The following PDE4DIP variants were observed in gnomAD, a reference collection of about 807,000 sequenced individuals.
PDE4DIP encodes the protein phosphodiesterase 4D interacting protein.
In PDE4DIP, 59 loss-of-function variants were observed where a neutral mutation model predicts 221.4. The ratio of observed to expected loss-of-function variants is 0.27; its 90% CI spans 0.22 to 0.33. The LOEUF is 0.33. PDE4DIP is among the 10% of genes least tolerant of loss of function. The probability of loss-of-function intolerance (pLI) is 1.00; values close to 1 mark genes in which losing one functional copy is unlikely to be tolerated. For synonymous variants in PDE4DIP, 404 were observed against 815.9 expected (o/e 0.50, Z 8.60); for missense variants, 1,036 against 2,154.2 (o/e 0.48, Z 10.28).
chr1:149,003,747 T>TG lies in PDE4DIP; in HGVS notation c.3886+21dup. 7.9e-7 allele frequency: 1 copy of TG among 1,259,928 alleles called. No homozygotes were observed. Among genetic ancestry groups the TG allele is most frequent in the East Asian group, 2.3e-5 (1 of 42,960 alleles). 78.0% of individuals were successfully genotyped at this position (1,259,928 alleles called of 1,614,324 possible). A position where few individuals can be genotyped will look rare whatever the true frequency, so the allele number is the denominator to read the frequency against. ...CCAGTCCTGGTAAGAGCACAGGGTG[T>TG]GGGGCTCACCCCTCCCTGGAGTCAG... On this transcript the variant is annotated intron_variant, in intron 26 of 43. Coordinates refer to ENST00000369354, the Ensembl canonical transcript of PDE4DIP.
At chr1:148,977,997 G>C (rs1553539005) in exon 18 of PDE4DIP, 1 of 1,614,138 alleles carries the variant, frequency 6.2e-7, no homozygotes, top group Non-Finnish European at 8.5e-7. Context: ...GCAGGTGCAG[G>C]CTGCTGATAT....
chr1:148,927,848 C>T (rs1363909842), intron 1 of PDE4DIP, among the ~76,000 whole-genome samples: 2 of 152,126 alleles, frequency 1.3e-5, no homozygotes, highest in African/African-American at 2.4e-5. Flanking sequence ...CCTTAGGTTC[C>T]CCTACAAACC....
chr1:148,971,480 G>A (rs1424990613), intron 14 of PDE4DIP, among the ~76,000 whole-genome samples: 1 of 151,798 alleles, frequency 6.6e-6, no homozygotes, highest in Admixed American at 6.6e-5. Context: ...GACAAATATT[G>A]TATATACTCA....
chr1:149,030,875 CT>C (rs1553636593), intron 43 of PDE4DIP: 2 of 632,066 alleles, frequency 3.2e-6, no homozygotes, highest in African/African-American at 4.0e-5. Context: ...CAGACATTAT[CT>C]ACATTTACTT....
chr1:148,907,080 G>T (rs1401086009), intron 1 of PDE4DIP, among the ~76,000 whole-genome samples: 1 of 150,408 alleles, frequency 6.6e-6, no homozygotes, highest in African/African-American at 2.5e-5. Flanking sequence ...AAAAACAATA[G>T]TTACTTCTGC....
intron 21 of PDE4DIP, among the ~76,000 whole-genome samples, chr1:148,986,699 G>T (rs1363944946): frequency 2.0e-4 from 30 of 152,186 alleles, no homozygotes; most frequent in Admixed American, 5.9e-4. Context: ...CCCCGGAAAT[G>T]TCACATAGGC....
rs587678761 is a variant in PDE4DIP at position 148,998,070 on chromosome 1, G to A, written c.2905-73G>A. On this transcript the variant is annotated intron_variant, in intron 22 of 43. Transcript: ENST00000369354. ...TTTGTTTTTGTTCTCATTTAAAACT[G>A]CCTTTGCAATCTCATGTTTCTCTTG... 1.8e-5 allele frequency: 15 copies of A among 822,212 alleles called. No individual in the cohort carries two copies. In the African/African-American group the frequency reaches 2.0e-4, roughly 11 times the overall value. 50.9% of individuals were successfully genotyped at this position (822,212 alleles called of 1,614,324 possible). A position where few individuals can be genotyped will look rare whatever the true frequency, so the allele number is the denominator to read the frequency against.
chr1:149,007,316 A>G, exon 28 of PDE4DIP: 1 of 1,563,172 alleles, frequency 6.4e-7, no homozygotes, highest in Non-Finnish European at 8.8e-7. Context: ...AGATACAGTA[A>G]AATCTTTTGA....
chr1:148,951,752 T>C (rs1553488825), intron 5 of PDE4DIP, among the ~76,000 whole-genome samples: 1 of 152,310 alleles, frequency 6.6e-6, no homozygotes, highest in Non-Finnish European at 1.5e-5. Flanking sequence ...GTGACTGCTC[T>C]GTGCTTTTTT....
exon 27 of PDE4DIP, chr1:149,005,402 G>C (rs782459175): frequency 1.9e-6 from 3 of 1,610,004 alleles, no homozygotes; most frequent in Admixed American, 1.7e-5. Flanking sequence ...TAGAAGAGAA[G>C]CTGGCTGAGG....
intron 27 of PDE4DIP, chr1:149,006,386 G>A (rs367650318): frequency 6.6e-6 from 1 of 152,128 alleles, no homozygotes; most frequent in East Asian, 1.9e-4. Flanking sequence ...TCTCACTTAG[G>A]GTCTCTTGTT....
intron 21 of PDE4DIP, chr1:148,983,718 C>T (rs1553546003): frequency 6.6e-6 from 1 of 152,454 alleles, no homozygotes; most frequent in African/African-American, 2.4e-5. Flanking sequence ...GATTATTTTA[C>T]CTTTGACAGT....
exon 18 of PDE4DIP, chr1:148,978,042 G>C (rs1410565958): frequency 2.5e-6 from 4 of 1,613,176 alleles, no homozygotes; most frequent in Non-Finnish European, 3.4e-6. Context: ...GATTAAAGAA[G>C]ATCTCATAAA....
chr1:148,962,826 T>C (rs1267714782), intron 9 of PDE4DIP, among the ~76,000 whole-genome samples, 186 bp downstream of exon 12: 2 of 147,374 alleles, frequency 1.4e-5, no homozygotes, highest in African/African-American at 5.0e-5. Context: ...TCACTTTCCA[T>C]GGTTTCAGTT....
chr1:148,889,142 G>A (rs587715276), upstream of PDE4DIP, among the ~76,000 whole-genome samples: 198 of 152,186 alleles, frequency 1.3e-3, no homozygotes, highest in African/African-American at 4.6e-3. Context: ...TGGACAGAAA[G>A]GGGATATTTG....
At chr1:148,970,303 C>G in intron 14 of PDE4DIP, among the ~76,000 whole-genome samples, 1 of 148,364 alleles carries the variant, frequency 6.7e-6, no homozygotes, top group South Asian at 2.2e-4. Context: ...TAAAATAGAC[C>G]TAACAAAATT....
intron 1 of PDE4DIP, among the ~76,000 whole-genome samples, chr1:148,902,982 AT>A (rs1367635377): frequency 6.6e-6 from 1 of 150,934 alleles, no homozygotes; most frequent in African/African-American, 2.4e-5. Flanking sequence ...GAATCTCCAC[AT>A]TGTTTTCCAT....
exon 23 of PDE4DIP, chr1:148,998,221 G>A (rs782765506): frequency 6.4e-7 from 1 of 1,550,570 alleles, no homozygotes; most frequent in Non-Finnish European, 8.9e-7. Flanking sequence ...TTCTCCGATG[G>A]GAGGGGACAG....
rs781973763 is a variant in PDE4DIP, at chr1:148,966,887, C to T, written c.1516C>T (p.Leu506=). ...TGCTCTAGAAGAGAAAGAAAAAGAA[C>T]TGCGCCAGCTTCGTCTTGCTGTGAG... Residue 506 remains leucine (L), a synonymous_variant, in exon 12 of 44, where the codon CTG becomes TTG. Transcript: ENST00000369354. The T allele has an allele frequency of 3.9e-6, 6 of 1,537,392 alleles. No homozygotes were observed. The South Asian group carries it at 5.6e-5, about 14-fold the overall frequency.
Sources: allele counts gnomAD v4.1 joint callset (sites outside exome capture counted in the v4.1 genomes callset), GRCh38; gene constraint gnomAD v4.1.1; transcripts MANE v1.5; gene names NCBI Gene and HGNC (gene_info 2026-07-23, HGNC 2026-07-21).